Variants in HABP4 observed in about 807,000 individuals in gnomAD.
HABP4 encodes the protein hyaluronan binding protein 4.
In HABP4, 32 loss-of-function variants were observed where a neutral mutation model predicts 44.1. The ratio of observed to expected loss-of-function variants is 0.73; its 90% CI spans 0.55 to 0.97. The LOEUF is 0.97. Ranked by LOEUF, HABP4 falls within the 50% of genes least tolerant of loss-of-function variation. HABP4 has a pLI of 0.00. For synonymous variants in HABP4, 216 were observed against 218.0 expected, an observed-to-expected ratio of 0.99 and a Z score of 0.08; for missense variants, 503 against 561.9, an observed-to-expected ratio of 0.90 and a Z score of 1.06.
At chr9:96,457,390 G>A (rs1004084570) in intron 1 of HABP4, among the ~76,000 whole-genome samples, 1 of 152,106 alleles carries the variant, frequency 6.6e-6, no homozygotes, top group African/African-American at 2.4e-5. Context: ...CCAGCACAGT[G>A]TCCAAGTGCT....
At chr9:96,474,898 A>G (rs1404665363) in intron 5 of HABP4, among the ~76,000 whole-genome samples, 1 of 152,192 alleles carries the variant, frequency 6.6e-6, no homozygotes, top group Non-Finnish European at 1.5e-5. Context: ...ATGTTCAAAC[A>G]CACAACCCAA....
intron 1 of HABP4, among the ~76,000 whole-genome samples, chr9:96,451,129 C>G (rs557472831): frequency 6.6e-6 from 1 of 152,238 alleles, no homozygotes; most frequent in South Asian, 2.1e-4. Flanking sequence ...CGTCGGGGCC[C>G]GGGCGGGGGT....
rs202021334 is a variant in HABP4 at position 96,458,555 on chromosome 9, T to C, written c.512+14T>C. The C allele has an allele frequency of 6.3e-7, 1 of 1,582,556 alleles. No homozygotes were observed. The highest frequency in any genetic ancestry group is 1.1e-5 in the South Asian group (1 of 90,134). ...TCCAGATGAAAAGTATGTGCTGCAG[T>C]CCTCAGCAGGGCGGGTGGGGAACCA... On this transcript the variant is annotated intron_variant, in intron 2 of 7. Transcript: ENST00000375249.
chr9:96,476,917 A>G (rs556595067), intron 5 of HABP4, among the ~76,000 whole-genome samples: 1 of 152,256 alleles, frequency 6.6e-6, no homozygotes, highest in African/African-American at 2.4e-5. Flanking sequence ...AATGAGGTGC[A>G]TTCCAGTCAA....
chr9:96,451,393 G>GAA (rs1390394663), intron 1 of HABP4: 24 of 735,604 alleles, frequency 3.3e-5, no homozygotes, highest in Non-Finnish European at 3.8e-5. Context: ...GGGTGCTTCA[G>GAA]AGTTCATTCT....
chr9:96,456,105 A>C (rs755792686), intron 1 of HABP4, among the ~76,000 whole-genome samples: 7 of 152,164 alleles, frequency 4.6e-5, no homozygotes, highest in Non-Finnish European at 8.8e-5. Flanking sequence ...TTATGATAAC[A>C]TCTTTCCCAT....
At chr9:96,471,779 C>T (rs13300164) in intron 5 of HABP4, among the ~76,000 whole-genome samples, 3,873 of 152,012 alleles carry the variant, frequency 0.025, 72 homozygotes, top group Middle Eastern at 0.051. Flanking sequence ...CAGCACCCTT[C>T]CAAGTTCTGT....
At chr9:96,453,508 G>C (rs866878279) in intron 1 of HABP4, among the ~76,000 whole-genome samples, 3 of 152,020 alleles carry the variant, frequency 2.0e-5, no homozygotes, top group Non-Finnish European at 4.4e-5. Flanking sequence ...ATGATGCCTG[G>C]CCAAAAATGT....
chr9:96,480,875 TCTTTG>T (rs1003990238), intron 5 of HABP4, among the ~76,000 whole-genome samples: 4 of 152,222 alleles, frequency 2.6e-5, no homozygotes, highest in African/African-American at 9.6e-5. Context: ...CTTCATGTTA[TCTTTG>T]CTTTGATGTT....
chr9:96,463,969 A>G (rs1259617441), intron 2 of HABP4, among the ~76,000 whole-genome samples: 6 of 152,234 alleles, frequency 3.9e-5, no homozygotes, highest in Admixed American at 3.9e-4. Context: ...CATTTATTAA[A>G]CTATTGTTAC....
intron 2 of HABP4, among the ~76,000 whole-genome samples, chr9:96,462,871 G>A (rs1832530144): frequency 6.6e-6 from 1 of 152,130 alleles, no homozygotes; most frequent in Admixed American, 6.5e-5. Context: ...GCAGTGAGCA[G>A]TGATTGGGCC....
Position 96,490,585 on chromosome 9 carries a change from T to C in HABP4, c.*547T>C, listed in dbSNP as rs1833074088. The C allele has an allele frequency of 6.6e-6, 1 of 152,542 alleles. No individual in the cohort carries two copies. The highest frequency in any genetic ancestry group is 2.1e-4 in the South Asian group (1 of 4,838). The allele number at this position is 152,542 out of a possible 1,614,324, so 9.4% of individuals were successfully genotyped here. On this transcript the variant is annotated 3_prime_UTR_variant, in exon 8 of 8. Transcript: ENST00000375249. Reference sequence around the variant, plus strand: ...ACTTAACCAATCATTTAAAAATCGCTATTGTGTAGCCACTGGCCACCACTC... The same window carrying C: ...ACTTAACCAATCATTTAAAAATCGCCATTGTGTAGCCACTGGCCACCACTC...
In HABP4 at chr9:96,465,494, A is replaced by G. The variant is rs139684568; in HGVS notation, c.670A>G (p.Lys224Glu). 5 of 1,603,660 alleles carry G rather than the reference A, an allele frequency of 3.1e-6. No homozygotes were observed. The African/African-American group carries it at 6.7e-5, about 21-fold the overall frequency. Residue 224 changes from lysine (K) to glutamate (E), a missense_variant, in exon 3 of 8, where the codon AAA (lysine) becomes GAA (glutamate). This residue lies in a region of HABP4 where 131 missense variants were observed against 189.8 expected (regional missense o/e 0.69). Coordinates refer to ENST00000375249, the MANE Select transcript of HABP4 (RefSeq NM_014282.4). ...ATTTGAAAGATATGGTGGGAATGAC[A>G]AAATGTAAGTTTCTTTGTAAATGCT... Reference protein sequence around the residue: ...REFERYGGNDKIAVRTEDNMG... With the variant: ...REFERYGGNDEIAVRTEDNMG...
chr9:96,454,191 T>C (rs1279010353), intron 1 of HABP4, among the ~76,000 whole-genome samples: 3 of 152,200 alleles, frequency 2.0e-5, no homozygotes, highest in Non-Finnish European at 4.4e-5. Flanking sequence ...GATAAGCACC[T>C]ATAAGTAATT....
chr9:96,471,618 G>T (rs1334548723), intron 5 of HABP4, among the ~76,000 whole-genome samples: 2 of 152,130 alleles, frequency 1.3e-5, no homozygotes, highest in Non-Finnish European at 2.9e-5. Context: ...TCTGTCCTCT[G>T]CTCACAAGCT....
intron 1 of HABP4, among the ~76,000 whole-genome samples, chr9:96,452,264 C>T (rs961116290): frequency 1.3e-5 from 2 of 151,130 alleles, no homozygotes; most frequent in African/African-American, 4.9e-5. Context: ...TTCAGAAAAA[C>T]GTGAGACGAG....
At chr9:96,460,502 A>C (rs1022618432) in intron 2 of HABP4, among the ~76,000 whole-genome samples, 7 of 152,208 alleles carry the variant, frequency 4.6e-5, no homozygotes, top group African/African-American at 1.7e-4. Flanking sequence ...TAATTCTCTA[A>C]ATTACGGAGT....
chr9:96,482,360 C>G (rs539456787), intron 5 of HABP4, among the ~76,000 whole-genome samples: 30 of 152,294 alleles, frequency 2.0e-4, no homozygotes, highest in African/African-American at 7.2e-4. Flanking sequence ...TTCTAGGTGC[C>G]TCATCTAAGT....
intron 6 of HABP4, among the ~76,000 whole-genome samples, chr9:96,486,758 A>G (rs1481324871): frequency 6.6e-6 from 1 of 152,056 alleles, no homozygotes; most frequent in Non-Finnish European, 1.5e-5. Context: ...AATACCTAGC[A>G]AAGTTCAGAC....
Sources: gnomAD v4.1 joint callset for allele counts (sites outside exome capture counted in the v4.1 genomes callset) on GRCh38, gnomAD v4.1.1 for gene constraint, gnomAD v4.1.1 regional missense constraint, MANE v1.5 for transcripts, NCBI Gene and HGNC (gene_info 2026-07-23, HGNC 2026-07-21) for gene names.